RANBP9: variants seen among roughly 807,000 people sequenced by gnomAD.
RANBP9 encodes RAN binding protein 9.
RANBP9 carries 15 observed loss-of-function variants against 84.3 expected under a neutral mutation model. The ratio of observed to expected loss-of-function variants is 0.18; its 90% CI spans 0.12 to 0.27. RANBP9 has a LOEUF of 0.27. Among genes scored for constraint, RANBP9 ranks in the 10% least tolerant of loss-of-function variants. RANBP9 has a pLI of 1.00. For synonymous variants in RANBP9, 392 were observed against 349.6 expected (o/e 1.12, Z -1.35); for missense variants, 809 against 912.8 (o/e 0.89, Z 1.46).
rs370522343 is a variant in RANBP9, at chr6:13,688,673, C to A, written c.683+8112G>T. On this transcript the variant is annotated intron_variant, in intron 2 of 13. Coordinates refer to ENST00000011619, the MANE Select transcript of RANBP9 (RefSeq NM_005493.3). ...CTAAATCTCCTCGTCTGTTATTTTC[C>A]TCCTGTTATTTTTTTTTTTAAATCT... Among the ~76,000 whole-genome samples the A allele has an allele frequency of 4.6e-5, 7 of 151,796 alleles. No homozygotes were observed. The South Asian group carries it at 6.3e-4, about 14-fold the overall frequency.
At chr6:13,640,073 G>A (rs756509570) in intron 8 of RANBP9, among the ~76,000 whole-genome samples, 13 of 152,150 alleles carry the variant, frequency 8.5e-5, no homozygotes, top group South Asian at 4.2e-4. Flanking sequence ...TAACATTTGC[G>A]CTTGGTAGCA....
chr6:13,643,848 G>A (rs1013415129), intron 6 of RANBP9, among the ~76,000 whole-genome samples: 4 of 152,246 alleles, frequency 2.6e-5, no homozygotes, highest in South Asian at 2.1e-4. Context: ...CTCCAGGGAC[G>A]AAGTGTGATT....
chr6:13,698,020 CAT>C (rs1369721533), intron 1 of RANBP9, among the ~76,000 whole-genome samples: 12 of 152,214 alleles, frequency 7.9e-5, no homozygotes, highest in African/African-American at 2.9e-4. Flanking sequence ...AATCATCACA[CAT>C]GAATGAGATC....
chr6:13,625,916 C>A, intron 12 of RANBP9, 152 bp from the exon 13 acceptor site: 1 of 545,628 alleles, frequency 1.8e-6, no homozygotes, highest in Non-Finnish European at 3.3e-6. Context: ...GGACGCTCTA[C>A]ATTTTTGAAC....
chr6:13,672,065 A>G (rs1765790131), intron 2 of RANBP9, among the ~76,000 whole-genome samples: 1 of 152,190 alleles, frequency 6.6e-6, no homozygotes, highest in Non-Finnish European at 1.5e-5. Flanking sequence ...CTGAGAGTGA[A>G]CTAACTTGAG....
At chr6:13,647,457 C>A (rs1190071231) in intron 5 of RANBP9, among the ~76,000 whole-genome samples, 2 of 151,770 alleles carry the variant, frequency 1.3e-5, no homozygotes, top group Non-Finnish European at 2.9e-5. Context: ...ATAAAGCAGG[C>A]AAAAAGAACA....
chr6:13,670,593 G>A (rs913949734), intron 2 of RANBP9, among the ~76,000 whole-genome samples: 4 of 151,822 alleles, frequency 2.6e-5, no homozygotes, highest in East Asian at 1.9e-4. Flanking sequence ...TCAGGAGATC[G>A]AGACCATCCT....
intron 6 of RANBP9, among the ~76,000 whole-genome samples, chr6:13,643,005 A>G (rs948046181): frequency 1.3e-5 from 2 of 152,168 alleles, no homozygotes; most frequent in Admixed American, 1.3e-4. Flanking sequence ...ACCAACTTTA[A>G]AATAAAAGAT....
At chr6:13,685,451 T>C (rs1171021259) in intron 2 of RANBP9, among the ~76,000 whole-genome samples, 1 of 152,178 alleles carries the variant, frequency 6.6e-6, no homozygotes, top group African/African-American at 2.4e-5. Flanking sequence ...TACATCTCTG[T>C]AGTCCTAGCT....
intron 2 of RANBP9, among the ~76,000 whole-genome samples, chr6:13,664,883 T>C (rs938048911): frequency 5.3e-5 from 8 of 152,136 alleles, no homozygotes; most frequent in South Asian, 2.1e-4. Context: ...GGCTGAGTAA[T>C]CTAAACAGTA....
chr6:13,633,283 C>G (rs562034177), intron 11 of RANBP9, among the ~76,000 whole-genome samples: 22 of 152,304 alleles, frequency 1.4e-4, no homozygotes, highest in Non-Finnish European at 2.5e-4. Flanking sequence ...ATCCGCCCAC[C>G]TCGGCCTCCC....
At chr6:13,708,729 C>G (rs1323830839) in intron 1 of RANBP9, among the ~76,000 whole-genome samples, 2 of 151,904 alleles carry the variant, frequency 1.3e-5, no homozygotes, top group Non-Finnish European at 2.9e-5. Context: ...TCCTTTGCTA[C>G]TGCTACTGCT....
intron 2 of RANBP9, among the ~76,000 whole-genome samples, chr6:13,689,821 A>G (rs747147599): frequency 3.6e-4 from 55 of 152,160 alleles, no homozygotes; most frequent in Non-Finnish European, 6.5e-4. Context: ...CAGTTTTCCC[A>G]TACATGGTCT....
At chr6:13,705,264 C>G (rs1165332548) in intron 1 of RANBP9, among the ~76,000 whole-genome samples, 1 of 151,652 alleles carries the variant, frequency 6.6e-6, no homozygotes, top group Non-Finnish European at 1.5e-5. Context: ...ATTAGCCAGG[C>G]GTGGTGGCAG....
At position 13,711,496 on chromosome 6, in the gene RANBP9, GC is replaced by G; in HGVS notation, c.9del (p.Gln4SerfsTer57). 1 of 1,249,470 alleles carries G rather than the reference GC, an allele frequency of 8.0e-7. No individual in the cohort carries two copies. The highest frequency in any genetic ancestry group is 1.0e-6 in the Non-Finnish European group (1 of 995,682). The allele number at this position is 1,249,470 out of a possible 1,614,324, so 77.4% of individuals were successfully genotyped here. MS[G>X]QPPPPPPQQQ... ...TGCTGCGGCGGCGGCGGCGGCGGCT[GC>G]CCGGACATCCCGGCCGCGACTCAGC... is the stretch of plus-strand genomic sequence containing the variant. On this transcript the variant is annotated frameshift_variant, in exon 1 of 14. Transcript: ENST00000011619. LOFTEE classifies it high-confidence loss of function.
chr6:13,696,679 C>T, intron 2 of RANBP9, 106 bp downstream of exon 2: 1 of 881,650 alleles, frequency 1.1e-6, no homozygotes, highest in Non-Finnish European at 1.7e-6. Flanking sequence ...TTCCACTTTT[C>T]CAATTAGCAA....
At chr6:13,681,090 GA>G (rs1766024922) in intron 2 of RANBP9, among the ~76,000 whole-genome samples, 1 of 152,150 alleles carries the variant, frequency 6.6e-6, no homozygotes, top group Non-Finnish European at 1.5e-5. Flanking sequence ...AGAATTTACA[GA>G]AAAAGCAATG....
At chr6:13,658,714 C>T (rs1375455732) in intron 3 of RANBP9, 66 bp downstream of exon 3, 1 of 1,278,252 alleles carries the variant, frequency 7.8e-7, no homozygotes, top group Admixed American at 1.9e-5. Flanking sequence ...CAATTTCTTA[C>T]TTGAAAAATT....
intron 2 of RANBP9, among the ~76,000 whole-genome samples, chr6:13,674,998 A>G (rs1471430799): frequency 6.6e-6 from 1 of 152,162 alleles, no homozygotes; most frequent in East Asian, 1.9e-4. Context: ...GCCTAACAAC[A>G]AAGTGTCAAA....
Sources: gnomAD v4.1 joint callset for allele counts (sites outside exome capture counted in the v4.1 genomes callset) on GRCh38, gnomAD v4.1.1 for gene constraint, MANE v1.5 for transcripts, NCBI Gene and HGNC (gene_info 2026-07-23, HGNC 2026-07-21) for gene names.